WDR27: variants seen among roughly 807,000 people sequenced by gnomAD.
WDR27 encodes the protein WD repeat domain 27.
In WDR27, 100 loss-of-function variants were observed where a neutral mutation model predicts 114.4. The ratio of observed to expected loss-of-function variants is 0.87; its 90% CI spans 0.74 to 1.03. The LOEUF (loss-of-function observed/expected upper bound fraction) is 1.03, where lower values mean the gene tolerates loss of function less well. Ranked by LOEUF, WDR27 falls within the 50% of genes least tolerant of loss-of-function variation. WDR27 has a pLI of 0.00. For missense variants in WDR27, 1,129 were observed against 1,092.9 expected (o/e 1.03, Z -0.47); for synonymous variants, 449 against 423.1 (o/e 1.06, Z -0.75).
At chr6:169,574,928 G>A (rs958359331) in intron 24 of WDR27, among the ~76,000 whole-genome samples, 3 of 152,180 alleles carry the variant, frequency 2.0e-5, no homozygotes, top group Admixed American at 6.5e-5. Context: ...GCAATCCATC[G>A]AATCCTGCCT....
intron 21 of WDR27, among the ~76,000 whole-genome samples, chr6:169,629,905 C>T (rs915590048): frequency 5.5e-5 from 7 of 126,730 alleles, no homozygotes; most frequent in South Asian, 2.4e-4. Flanking sequence ...CCAGCCTGGG[C>T]GACAAGAGCG....
chr6:169,632,680 G>C lies in WDR27; in HGVS notation c.2223+267C>G, dbSNP rs147359276. On this transcript the variant is annotated intron_variant, in intron 21 of 25. Transcript: ENST00000448612. The stretch of plus-strand genomic sequence containing the variant: ...TGCTTAACATATACAACCTTATCAA[G>C]TTTTATGTAAGAATGTTTTACTAGT... Among the ~76,000 whole-genome samples, 480 of 152,252 alleles carry C rather than the reference G, an allele frequency of 3.2e-3. 1 individual carries two copies. Among genetic ancestry groups the C allele is most frequent in the Middle Eastern group, 6.8e-3 (2 of 294 alleles).
rs558373566 is a variant in WDR27, at chr6:169,638,652, C to T, written c.1756G>A (p.Gly586Arg). 30 of 1,603,010 alleles carry T rather than the reference C, an allele frequency of 1.9e-5. No homozygotes were observed. Among genetic ancestry groups the T allele is most frequent in the African/African-American group, 6.7e-5 (5 of 74,756 alleles). The part of the protein sequence containing the change: ...GTPAVFSGHD[G>R]AVNAVCWSQD... ...CTCCAGCACACGGCATTCACTGCCC[C>T]GTCGTGACCTAACAGGAATGACCAC... Residue 586 changes from glycine (G) to arginine (R), a missense_variant, in exon 18 of 26, where the codon GGG becomes AGG. Gly to Arg is a moderately radical substitution (Grantham distance 125, BLOSUM62 -2). Coordinates refer to ENST00000448612, the MANE Select transcript of WDR27 (RefSeq NM_182552.5).
At chr6:169,694,765 A>C (rs1785401976) in intron 1 of WDR27, among the ~76,000 whole-genome samples, 1 of 152,298 alleles carries the variant, frequency 6.6e-6, no homozygotes, top group Admixed American at 6.5e-5. Flanking sequence ...GGTGCTGCTC[A>C]TTGTCTGTTC....
chr6:169,613,762 C>T (rs917012686), intron 21 of WDR27, 106 bp from the exon 22 acceptor site: 37 of 1,039,934 alleles, frequency 3.6e-5, no homozygotes, highest in Non-Finnish European at 4.8e-5. Flanking sequence ...GATATTAACA[C>T]AAAGTTTTTT....
intron 25 of WDR27, among the ~76,000 whole-genome samples, chr6:169,484,316 C>T (rs539831177): frequency 2.9e-4 from 44 of 152,308 alleles, no homozygotes; most frequent in African/African-American, 8.9e-4. Context: ...TGATAAACAA[C>T]GTCAGCAAAG....
intron 21 of WDR27, among the ~76,000 whole-genome samples, chr6:169,622,319 G>A (rs548705040): frequency 2.6e-5 from 4 of 152,218 alleles, no homozygotes; most frequent in African/African-American, 9.6e-5. Context: ...GCTGTGTCAC[G>A]GCACCCATCC....
intron 24 of WDR27, among the ~76,000 whole-genome samples, chr6:169,577,165 A>G (rs1802505724): frequency 6.6e-6 from 1 of 151,954 alleles, no homozygotes; most frequent in East Asian, 1.9e-4. Context: ...GCCCACGGAA[A>G]GACGCACCAA....
At chr6:169,584,122 T>C (rs1182181736) in intron 23 of WDR27, among the ~76,000 whole-genome samples, 1 of 152,200 alleles carries the variant, frequency 6.6e-6, no homozygotes, top group Non-Finnish European at 1.5e-5. Context: ...CTTGTGTCTT[T>C]GAGCTCTTGT....
chr6:169,483,508 T>C (rs767294478), intron 25 of WDR27, among the ~76,000 whole-genome samples: 1 of 152,200 alleles, frequency 6.6e-6, no homozygotes. Flanking sequence ...TGAAATTGAA[T>C]TGGTAATAAA....
At chr6:169,578,159 A>ATTTC (rs1802758730) in intron 24 of WDR27, among the ~76,000 whole-genome samples, 1 of 152,180 alleles carries the variant, frequency 6.6e-6, no homozygotes, top group South Asian at 2.1e-4. Context: ...TCCTTCTGAG[A>ATTTC]TTTCAAGCTG....
intron 25 of WDR27, among the ~76,000 whole-genome samples, chr6:169,482,132 C>CT (rs1788245618): frequency 6.6e-6 from 1 of 152,298 alleles, no homozygotes; most frequent in South Asian, 2.1e-4. Flanking sequence ...ATGATCTTAT[C>CT]TTTTTTTATG....
chr6:169,463,252 A>C (rs1785136359), intron 25 of WDR27, among the ~76,000 whole-genome samples: 1 of 152,252 alleles, frequency 6.6e-6, no homozygotes, highest in African/African-American at 2.4e-5. Context: ...GGGGGTGTCA[A>C]ACTTGCCCTT....
intron 25 of WDR27, among the ~76,000 whole-genome samples, chr6:169,562,785 T>G (rs1317371107): frequency 6.6e-6 from 1 of 152,112 alleles, no homozygotes; most frequent in Non-Finnish European, 1.5e-5. Flanking sequence ...CTGTACAATC[T>G]GCAGAAGTGA....
At chr6:169,649,594 C>G (rs1042594550) in intron 14 of WDR27, among the ~76,000 whole-genome samples, 3 of 151,986 alleles carry the variant, frequency 2.0e-5, no homozygotes, top group African/African-American at 7.3e-5. Flanking sequence ...GTCTATCAAC[C>G]CCTCATCCCC....
chr6:169,680,028 G>A (rs1781101516), intron 2 of WDR27, among the ~76,000 whole-genome samples: 1 of 152,166 alleles, frequency 6.6e-6, no homozygotes, highest in Non-Finnish European at 1.5e-5. Context: ...AGAAAAATCT[G>A]TCAAACTAGA....
rs149133443 is a variant in WDR27, at chr6:169,688,181, T to C, written c.189+636A>G. 3.7e-4 allele frequency among the ~76,000 whole-genome samples: 57 copies of C among 152,332 alleles called. No individual in the cohort carries two copies. In the East Asian group the frequency reaches 0.01, roughly 28 times the overall value. On this transcript the variant is annotated intron_variant, in intron 2 of 25. Coordinates refer to ENST00000448612, the MANE Select transcript of WDR27 (RefSeq NM_182552.5). ...CTTTCAAAAACGGCACAGTGGTACC[T>C]AATAAATCCTAATACTGTGTAGCAA...
intron 14 of WDR27, among the ~76,000 whole-genome samples, chr6:169,650,320 TCCAC>T (rs1312104599): frequency 7.9e-6 from 1 of 127,072 alleles, no homozygotes; most frequent in East Asian, 2.9e-4. Flanking sequence ...ATCCCCTCCA[TCCAC>T]CCACCCACTC....
At chr6:169,450,646 C>A in the WDR27 span, among the ~76,000 whole-genome samples, 5 of 152,192 alleles carry the variant, frequency 3.3e-5, no homozygotes, top group Non-Finnish European at 5.9e-5. Context: ...CAGGCAGGCC[C>A]CAGAGTACAC....
Sources: allele counts gnomAD v4.1 joint callset (sites outside exome capture counted in the v4.1 genomes callset), GRCh38; gene constraint gnomAD v4.1.1; transcripts MANE v1.5; gene names NCBI Gene and HGNC (gene_info 2026-07-23, HGNC 2026-07-21).